FGF12: variants seen among roughly 807,000 people sequenced by gnomAD.
FGF12 encodes the protein fibroblast growth factor 12.
In FGF12, 14 loss-of-function variants were observed where a neutral mutation model predicts 23.6. That is an observed-to-expected ratio of 0.59 (90% CI 0.39 to 0.93). The LOEUF is 0.93. Ranked by LOEUF, FGF12 falls within the 40% of genes least tolerant of loss-of-function variation. FGF12 has a pLI of 0.00. For missense variants in FGF12, 175 were observed against 217.8 expected, an observed-to-expected ratio of 0.80 and a Z score of 1.24; for synonymous variants, 62 against 77.3, an observed-to-expected ratio of 0.80 and a Z score of 1.04.
chr3:192,181,858 T>C (rs1716197872), intron 4 of FGF12, among the ~76,000 whole-genome samples: 1 of 151,324 alleles, frequency 6.6e-6, no homozygotes, highest in South Asian at 2.1e-4. Flanking sequence ...TTCGAACTCC[T>C]GGGATCAACC....
At chr3:192,530,455 C>T (rs1725059162) in intron 2 of FGF12, among the ~76,000 whole-genome samples, 1 of 152,182 alleles carries the variant, frequency 6.6e-6, no homozygotes. Context: ...TTGGGAAACT[C>T]TACCAGTAAT....
At chr3:192,411,784 T>C (rs1721208161) in intron 2 of FGF12, among the ~76,000 whole-genome samples, 3 of 152,066 alleles carry the variant, frequency 2.0e-5, no homozygotes, top group South Asian at 2.1e-4. Context: ...GCCAGAGAAA[T>C]AGGCAAGAGG....
chr3:192,368,240 A>G (rs1719073608), intron 2 of FGF12, among the ~76,000 whole-genome samples: 1 of 152,240 alleles, frequency 6.6e-6, no homozygotes, highest in Non-Finnish European at 1.5e-5. Flanking sequence ...GTGAAGCTGG[A>G]AAGAGGTGAG....
At chr3:192,157,157 G>A (rs1714471645) in intron 5 of FGF12, among the ~76,000 whole-genome samples, 1 of 152,190 alleles carries the variant, frequency 6.6e-6, no homozygotes, top group Non-Finnish European at 1.5e-5. Context: ...TTTAACCCTT[G>A]AATGTCAGCA....
Position 192,212,284 on chromosome 3 carries a change from T to C in FGF12, c.229-41628A>G, listed in dbSNP as rs112366792. 2.4e-3 allele frequency among the ~76,000 whole-genome samples: 372 copies of C among 152,288 alleles called. 3 individuals carry two copies. Among genetic ancestry groups the C allele is most frequent in the African/African-American group, 6.4e-3 (264 of 41,552 alleles). On this transcript the variant is annotated intron_variant, in intron 4 of 5. Transcript: ENST00000445105. ...GAAGATTTAAAGCTAGAAACAAATA[T>C]ATTGATAATGAATACGAACACTGTC... is the stretch of plus-strand genomic sequence containing the variant.
chr3:192,719,242 C>T (rs367806386), intron 2 of FGF12, among the ~76,000 whole-genome samples: 4 of 152,180 alleles, frequency 2.6e-5, no homozygotes, highest in African/African-American at 9.7e-5. Context: ...TAGAAAAGCT[C>T]AGCCTTAGAA....
intron 4 of FGF12, among the ~76,000 whole-genome samples, chr3:192,214,079 A>G (rs973748641): frequency 6.6e-6 from 1 of 152,212 alleles, no homozygotes; most frequent in African/African-American, 2.4e-5. Context: ...AAACTGAATT[A>G]GGTCATTTCT....
At chr3:192,448,232 C>T (rs1222994417) in intron 2 of FGF12, among the ~76,000 whole-genome samples, 2 of 152,164 alleles carry the variant, frequency 1.3e-5, no homozygotes, top group Non-Finnish European at 2.9e-5. Context: ...ATACTGTTAG[C>T]ATAAAACACC....
chr3:192,695,887 T>G lies in FGF12; in HGVS notation c.13+31294A>C, dbSNP rs145752070. Among the ~76,000 whole-genome samples, 600 of 152,204 alleles carry G rather than the reference T, an allele frequency of 3.9e-3. 5 individuals carry two copies. The highest frequency in any genetic ancestry group is 0.013 in the African/African-American group (547 of 41,534). On this transcript the variant is annotated intron_variant, in intron 2 of 5. Transcript: ENST00000445105. ...GCCATGGAGGGTGGATCACTTAAGG[T>G]CAGAAGTTCAAGACCAGCCTGGCCA... is the stretch of plus-strand genomic sequence containing the variant.
intron 2 of FGF12, among the ~76,000 whole-genome samples, chr3:192,564,508 G>A (rs1712192792): frequency 6.6e-6 from 1 of 152,200 alleles, no homozygotes. Context: ...TAAGGCAGCA[G>A]GTGATATGTG....
intron 4 of FGF12, among the ~76,000 whole-genome samples, chr3:192,230,002 C>T (rs1216103899): frequency 1.3e-5 from 2 of 152,062 alleles, no homozygotes; most frequent in African/African-American, 2.4e-5. Flanking sequence ...ATGCATATGA[C>T]GGAGCTTATT....
At chr3:192,150,366 T>C (rs1713982191) in intron 5 of FGF12, among the ~76,000 whole-genome samples, 3 of 79,510 alleles carry the variant, frequency 3.8e-5, no homozygotes, top group Admixed American at 1.4e-4. Context: ...TTGCTTTTGG[T>C]GTTTTGGACA....
At chr3:192,195,489 T>G (rs1717020422) in intron 4 of FGF12, among the ~76,000 whole-genome samples, 1 of 152,226 alleles carries the variant, frequency 6.6e-6, no homozygotes, top group Non-Finnish European at 1.5e-5. Context: ...TACCGTTATT[T>G]ACAATTGCCT....
chr3:192,298,301 A>G (rs1715155857), intron 4 of FGF12, among the ~76,000 whole-genome samples: 1 of 152,356 alleles, frequency 6.6e-6, no homozygotes. Context: ...AGAGATATAT[A>G]GGTAAGTGAA....
intron 2 of FGF12, among the ~76,000 whole-genome samples, chr3:192,470,136 G>A (rs1723128448): frequency 6.6e-6 from 1 of 152,108 alleles, no homozygotes; most frequent in African/African-American, 2.4e-5. Context: ...AGAAGTCAAT[G>A]AAATCATCAA....
chr3:192,671,659 G>A (rs999312706), intron 2 of FGF12, among the ~76,000 whole-genome samples: 6 of 152,150 alleles, frequency 3.9e-5, no homozygotes, highest in African/African-American at 1.2e-4. Flanking sequence ...TAAAGATCAC[G>A]TACAACGATA....
chr3:192,379,221 C>T (rs999270206), intron 2 of FGF12, among the ~76,000 whole-genome samples: 2 of 152,062 alleles, frequency 1.3e-5, no homozygotes, highest in South Asian at 2.1e-4. Context: ...TATTCAGCTT[C>T]CATAATTCAT....
intron 5 of FGF12, 82 bp downstream of exon 5, chr3:192,170,376 C>G: frequency 1.4e-5 from 16 of 1,160,938 alleles, no homozygotes; most frequent in Non-Finnish European, 2.0e-5. Context: ...CAGGCAAACT[C>G]TCTGGACCAA....
chr3:192,629,947 G>A (rs977650405), intron 2 of FGF12, among the ~76,000 whole-genome samples: 1 of 152,192 alleles, frequency 6.6e-6, no homozygotes, highest in African/African-American at 2.4e-5. Context: ...GAGATAGTCT[G>A]GATGAGCTCC....
Sources: allele counts gnomAD v4.1 joint callset (sites outside exome capture counted in the v4.1 genomes callset), GRCh38; gene constraint gnomAD v4.1.1; transcripts MANE v1.5; gene names NCBI Gene and HGNC (gene_info 2026-07-23, HGNC 2026-07-21).